Variants in HERC5 observed in about 807,000 individuals in gnomAD.
The protein encoded by HERC5 is E3 ISG15--protein ligase HERC5.
In HERC5, 99 loss-of-function variants were observed where a neutral mutation model predicts 119.6. That is an observed-to-expected ratio of 0.83 (90% CI 0.70 to 0.98). HERC5 has a LOEUF of 0.98. Among genes scored for constraint, HERC5 ranks in the 50% least tolerant of loss-of-function variants. The pLI is 0.00. For synonymous variants in HERC5, 478 were observed against 445.9 expected, an observed-to-expected ratio of 1.07 and a Z score of -0.91; for missense variants, 1,267 against 1,241.3, an observed-to-expected ratio of 1.02 and a Z score of -0.31.
In HERC5 at chr4:88,487,189, C is replaced by G. The variant is rs759343670; in HGVS notation, c.1962+10C>G. On this transcript the variant is annotated intron_variant, in intron 15 of 22. Transcript: ENST00000264350. ...ACTTTTAAAAATAGAGGTATGTATG[C>G]CTATTTGTCTTCATTAGCATAAATC... The G allele has an allele frequency of 7.2e-7, 1 of 1,388,348 alleles. No homozygotes were observed. The highest frequency in any genetic ancestry group is 1.7e-5 in the Admixed American group (1 of 58,800). The allele number at this position is 1,388,348 out of a possible 1,614,324, so 86.0% of individuals were successfully genotyped here. A position where few individuals can be genotyped will look rare whatever the true frequency, so the allele number is the denominator to read the frequency against.
chr4:88,502,864 C>CT (rs1377795344), intron 20 of HERC5, among the ~76,000 whole-genome samples: 55 of 146,356 alleles, frequency 3.8e-4, no homozygotes, highest in Admixed American at 1.8e-3. Context: ...TTTTCTGTTG[C>CT]TTTTTTTTTT....
At chr4:88,461,804 A>T (rs1295662835) in intron 3 of HERC5, among the ~76,000 whole-genome samples, 4 of 152,066 alleles carry the variant, frequency 2.6e-5, no homozygotes, top group African/African-American at 9.7e-5. Flanking sequence ...ATAGAGGTAG[A>T]TTGCTTCTGT....
chr4:88,465,984 G>T (rs560802040), intron 6 of HERC5, among the ~76,000 whole-genome samples: 39 of 152,042 alleles, frequency 2.6e-4, no homozygotes, highest in East Asian at 7.7e-4. Flanking sequence ...GTTTTTTCTG[G>T]TTTTTTTATT....
chr4:88,469,553 A>C (rs1740794767), intron 9 of HERC5, among the ~76,000 whole-genome samples: 1 of 152,062 alleles, frequency 6.6e-6, no homozygotes, highest in Non-Finnish European at 1.5e-5. Flanking sequence ...CTTGGGGAGG[A>C]GTTGATGTTG....
intron 12 of HERC5, among the ~76,000 whole-genome samples, chr4:88,477,977 A>G (rs1278878951): frequency 1.3e-5 from 2 of 152,250 alleles, no homozygotes; most frequent in Admixed American, 1.3e-4. Context: ...TTAACACATT[A>G]TACTATTTCA....
intron 13 of HERC5, among the ~76,000 whole-genome samples, chr4:88,485,725 T>C (rs1315266726): frequency 6.6e-6 from 1 of 152,188 alleles, no homozygotes; most frequent in Admixed American, 6.5e-5. Context: ...GGTAGGGGAA[T>C]GTTCCACAAA....
At chr4:88,484,598 G>T (rs1418809696) in intron 13 of HERC5, among the ~76,000 whole-genome samples, 2 of 152,212 alleles carry the variant, frequency 1.3e-5, no homozygotes, top group Non-Finnish European at 2.9e-5. Context: ...TTTGCCTTGT[G>T]GTCCTGGGGT....
chr4:88,501,425 G>A (rs1019929675), intron 20 of HERC5, among the ~76,000 whole-genome samples: 2 of 152,232 alleles, frequency 1.3e-5, no homozygotes, highest in East Asian at 1.9e-4. Context: ...ATACATTGCA[G>A]GCACATAGTA....
chr4:88,465,359 C>T (rs924626297), intron 6 of HERC5, among the ~76,000 whole-genome samples: 1 of 152,174 alleles, frequency 6.6e-6, no homozygotes, highest in African/African-American at 2.4e-5. Flanking sequence ...AAAATTCAGA[C>T]TGTATTTGAA....
chr4:88,500,906 CG>C lies in HERC5; in HGVS notation c.2512-7del, dbSNP rs1741928319. The C allele has an allele frequency of 6.2e-7, 1 of 1,601,160 alleles. No individual in the cohort carries two copies. The highest frequency in any genetic ancestry group is 1.3e-5 in the African/African-American group (1 of 74,468). On this transcript the variant is annotated splice_region_variant and splice_polypyrimidine_tract_variant and intron_variant, in intron 19 of 22. Coordinates refer to ENST00000264350, the MANE Select transcript of HERC5 (RefSeq NM_016323.4). Reference sequence around the variant, plus strand: ...TGGAGATATTATCTGAGTTCATTTGCGGTTACAGGTGCACTGGGACAGAAAC... The same window carrying C: ...TGGAGATATTATCTGAGTTCATTTGCGTTACAGGTGCACTGGGACAGAAAC...
chr4:88,475,892 C>A lies in HERC5; in HGVS notation c.1444C>A (p.Pro482Thr), dbSNP rs1047477440. ...NLLKRLPFHS[P>T]PQEALEIFFL... The stretch of plus-strand genomic sequence containing the variant: ...GCTCAAAAGACTTCCATTTCATTCT[C>A]CACCCCAAGAAGCTTTAGAAATTTT... The change falls in exon 12 of 23, where the codon CCA becomes ACA. Residue 482 changes from proline to threonine, a missense_variant. By Grantham distance (38) the Pro-to-Thr change is conservative. Around this residue, in one of 3 missense-constraint regions of HERC5, gnomAD observed 777 missense variants for 758.0 expected, o/e 1.03. Transcript: ENST00000264350. 6.2e-7 allele frequency: 1 copy of A among 1,613,880 alleles called. No homozygotes were observed. The highest frequency in any genetic ancestry group is 1.1e-5 in the South Asian group (1 of 91,068).
At chr4:88,465,301 A>G (rs1413664997) in intron 6 of HERC5, among the ~76,000 whole-genome samples, 1 of 152,170 alleles carries the variant, frequency 6.6e-6, no homozygotes, top group Admixed American at 6.5e-5. Context: ...ATTTTCCCCC[A>G]TATACACTTA....
intron 13 of HERC5, among the ~76,000 whole-genome samples, chr4:88,484,315 T>C (rs1741383757): frequency 6.6e-6 from 1 of 152,192 alleles, no homozygotes; most frequent in Admixed American, 6.5e-5. Context: ...CCTGATGTCT[T>C]TATGCTCATG....
Position 88,479,502 on chromosome 4 carries a change from C to T in HERC5, c.1732C>T (p.His578Tyr). The T allele has an allele frequency of 1.3e-6, 2 of 1,597,324 alleles. No homozygotes were observed. Among genetic ancestry groups the T allele is most frequent in the Admixed American group, 1.8e-5 (1 of 55,482 alleles). ...QALLEMLKKL[H>Y]RVNQVKCQLP... ...TCTCCTAGAAATGTTGAAGAAGCTGCACAGGGTAAGAGTTCCTTTAGAAAC... is the reference window on the plus strand; with the variant it reads ...TCTCCTAGAAATGTTGAAGAAGCTGTACAGGGTAAGAGTTCCTTTAGAAAC... The change falls in exon 13 of 23, where the codon CAC (histidine) becomes TAC (tyrosine). Residue 578 changes from histidine to tyrosine, a missense_variant. Transcript: ENST00000264350.
Position 88,504,331 on chromosome 4 carries a change from A to G in HERC5, c.2682A>G (p.Glu894=). The change falls in exon 21 of 23, where the codon GAA becomes GAG. Residue 894 remains glutamate (E), a synonymous_variant. Coordinates refer to ENST00000264350, the MANE Select transcript of HERC5 (RefSeq NM_016323.4). The part of the protein sequence containing the change: ...FRRGFYKMCD[E]DIIKLFHPEE... ...GAGGATTTTATAAAATGTGCGACGA[A>G]GACATTATCAAATTATTCCACCCCG... 2.5e-6 allele frequency: 4 copies of G among 1,613,360 alleles called. No individual in the cohort carries two copies. The highest frequency in any genetic ancestry group is 2.5e-6 in the Non-Finnish European group (3 of 1,179,382).
chr4:88,495,826 G>A (rs1475422222), intron 18 of HERC5, among the ~76,000 whole-genome samples: 3 of 152,088 alleles, frequency 2.0e-5, no homozygotes, highest in Admixed American at 6.5e-5. Flanking sequence ...TGGAAACATC[G>A]AAGATAACCT....
intron 3 of HERC5, 119 bp from the exon 4 acceptor site, chr4:88,462,016 C>T: frequency 2.5e-6 from 2 of 804,858 alleles, no homozygotes; most frequent in East Asian, 2.7e-5. Context: ...CTGAGAGTAC[C>T]ATCAGTGCAA....
intron 6 of HERC5, among the ~76,000 whole-genome samples, chr4:88,464,660 C>T (rs1740584483): frequency 6.6e-6 from 1 of 151,904 alleles, no homozygotes; most frequent in Admixed American, 6.6e-5. Flanking sequence ...GCAATCTCAG[C>T]TCACTGCAAC....
intron 12 of HERC5, 76 bp from the exon 13 acceptor site, chr4:88,479,277 T>G: frequency 8.2e-7 from 1 of 1,226,246 alleles, no homozygotes; most frequent in Non-Finnish European, 1.1e-6. Flanking sequence ...AGGGTGAGAC[T>G]CTGTCTCAAA....
Sources: allele counts gnomAD v4.1 joint callset (sites outside exome capture counted in the v4.1 genomes callset), GRCh38; gene constraint gnomAD v4.1.1; regional missense constraint gnomAD v4.1.1; transcripts MANE v1.5; gene names NCBI Gene and HGNC (gene_info 2026-07-23, HGNC 2026-07-21).